PKIG: variants seen among roughly 807,000 people sequenced by gnomAD.
PKIG encodes the protein cAMP-dependent protein kinase inhibitor gamma.
Under a neutral mutation model 6.8 loss-of-function variants are expected in PKIG, and 1 was observed. The ratio of observed to expected loss-of-function variants is 0.15; its 90% CI spans 0.05 to 0.69. PKIG has a LOEUF of 0.69. PKIG is among the 30% of genes least tolerant of loss of function. The pLI is 0.82. For synonymous variants in PKIG, 39 were observed against 43.0 expected (o/e 0.91, Z 0.36); for missense variants, 77 against 104.0 (o/e 0.74, Z 1.13).
intron 2 of PKIG, among the ~76,000 whole-genome samples, chr20:44,607,909 C>A (rs2065181311): frequency 6.6e-6 from 1 of 152,108 alleles, no homozygotes; most frequent in African/African-American, 2.4e-5. Context: ...TGGTCTCGAT[C>A]TCTTGACCTC....
chr20:44,606,710 G>A (rs971783747), intron 2 of PKIG, among the ~76,000 whole-genome samples: 4 of 152,214 alleles, frequency 2.6e-5, no homozygotes, highest in Non-Finnish European at 5.9e-5. Context: ...TTGGGAGGCT[G>A]AGGCAGGAAA....
chr20:44,580,847 C>T (rs558207085), upstream of PKIG, among the ~76,000 whole-genome samples: 3 of 152,290 alleles, frequency 2.0e-5, no homozygotes, highest in East Asian at 3.9e-4. Context: ...TATAGAGAGC[C>T]GCTTTCCCAG....
At chr20:44,600,513 G>T (rs1488141442) in intron 2 of PKIG, among the ~76,000 whole-genome samples, 1 of 152,072 alleles carries the variant, frequency 6.6e-6, no homozygotes, top group Non-Finnish European at 1.5e-5. Flanking sequence ...ATGTGGAGGA[G>T]AGAGGTCAGC....
At chr20:44,571,500 A>G (rs772866622) in intron 1 of PKIG, among the ~76,000 whole-genome samples, 3 of 152,174 alleles carry the variant, frequency 2.0e-5, no homozygotes, top group Admixed American at 1.3e-4. Context: ...CCATTATACT[A>G]TAAACCGTTG....
chr20:44,566,612 G>A (rs192543232), intron 1 of PKIG, among the ~76,000 whole-genome samples: 3 of 152,134 alleles, frequency 2.0e-5, no homozygotes. Context: ...TTGGGAGGCC[G>A]AGGCAGGCAG....
At chr20:44,559,326 A>C (rs1039078425) in intron 1 of PKIG, among the ~76,000 whole-genome samples, 3 of 152,238 alleles carry the variant, frequency 2.0e-5, no homozygotes, top group Admixed American at 6.5e-5. Context: ...TATACAAACT[A>C]TTCTACTGCT....
At chr20:44,575,844 G>C (rs1363262943) in intron 1 of PKIG, among the ~76,000 whole-genome samples, 1 of 152,190 alleles carries the variant, frequency 6.6e-6, no homozygotes, top group Non-Finnish European at 1.5e-5. Context: ...AGGACCTTCA[G>C]TGGATCCCTT....
intron 1 of PKIG, among the ~76,000 whole-genome samples, chr20:44,558,089 A>G (rs766627815): frequency 2.0e-5 from 3 of 151,576 alleles, no homozygotes; most frequent in Admixed American, 1.3e-4. Context: ...ATGAATATGT[A>G]CTCTATGCCA....
chr20:44,563,644 C>T (rs1022692125), intron 1 of PKIG, among the ~76,000 whole-genome samples: 2 of 152,126 alleles, frequency 1.3e-5, no homozygotes, highest in African/African-American at 4.8e-5. Context: ...ATCCTCCTAC[C>T]GCAGCCTCCT....
intron 1 of PKIG, among the ~76,000 whole-genome samples, chr20:44,571,825 G>A (rs1754131392): frequency 6.6e-6 from 1 of 152,172 alleles, no homozygotes; most frequent in Admixed American, 6.5e-5. Flanking sequence ...TGCAATGGGG[G>A]CAATGGGCAT....
intron 2 of PKIG, among the ~76,000 whole-genome samples, chr20:44,610,040 G>C (rs2065200066): frequency 2.6e-5 from 4 of 152,178 alleles, no homozygotes; most frequent in Admixed American, 2.6e-4. Context: ...CAGAGCGCAG[G>C]AGTGAACCTC....
chr20:44,598,912 TAC>T (rs890897654), intron 2 of PKIG: 1 of 152,196 alleles, frequency 6.6e-6, no homozygotes, highest in Non-Finnish European at 1.5e-5. Context: ...AAAAAATTCA[TAC>T]CCCAAAATAA....
At chr20:44,534,854 G>A (rs1278534705) in intron 1 of PKIG, among the ~76,000 whole-genome samples, 1 of 152,092 alleles carries the variant, frequency 6.6e-6, no homozygotes, top group Non-Finnish European at 1.5e-5. Context: ...TATGGATAAA[G>A]AAACTGAGGT....
Position 44,618,360 on chromosome 20 carries a change from C to T in PKIG, c.227C>T (p.Ser76Phe). The change falls in exon 4 of 4, where the codon TCT (serine) becomes TTT (phenylalanine). Residue 76 changes from serine to phenylalanine, a missense_variant. By Grantham distance (155) the Ser-to-Phe change is radical. Transcript: ENST00000372886. ...CAGAGCAGCGATGGGACCACCTCGT[C>T]TTGAATCTGACCTTGTCCAAGAAGG... Reference protein sequence around the residue: ...QPQSSDGTTSS With the variant: ...QPQSSDGTTSF The T allele has an allele frequency of 6.2e-7, 1 of 1,608,102 alleles. No individual in the cohort carries two copies.
chr20:44,577,303 G>C (rs772465650), intron 1 of PKIG, among the ~76,000 whole-genome samples: 1 of 151,798 alleles, frequency 6.6e-6, no homozygotes, highest in African/African-American at 2.4e-5. Flanking sequence ...TAATTTTTTT[G>C]TGTTTTTTTT....
At chr20:44,557,022 T>C (rs1388892711) in intron 1 of PKIG, among the ~76,000 whole-genome samples, 1 of 151,982 alleles carries the variant, frequency 6.6e-6, no homozygotes, top group African/African-American at 2.4e-5. Flanking sequence ...TATGAGTACT[T>C]AATTAAAATT....
chr20:44,618,887 CATT>C lies in PKIG; in HGVS notation c.*524_*526del, dbSNP rs2065297463. On this transcript the variant is annotated 3_prime_UTR_variant, in exon 4 of 4. Coordinates refer to ENST00000372886, the MANE Select transcript of PKIG (RefSeq NM_001281445.2). ...TTTTAAGCCATTTTAGCTAAACTGTCATTGTGCATCTCTGAGGTTCCCTCATGG... is the reference window on the plus strand; with the variant it reads ...TTTTAAGCCATTTTAGCTAAACTGTCGTGCATCTCTGAGGTTCCCTCATGG... 1 of 158,352 alleles carries C rather than the reference CATT, an allele frequency of 6.3e-6. No homozygotes were observed. The highest frequency in any genetic ancestry group is 1.4e-5 in the Non-Finnish European group (1 of 71,202). The allele number at this position is 158,352 out of a possible 1,614,324, so 9.8% of individuals were successfully genotyped here.
At chr20:44,617,181 G>A (rs1023533267) in intron 3 of PKIG, among the ~76,000 whole-genome samples, 5 of 152,166 alleles carry the variant, frequency 3.3e-5, no homozygotes, top group African/African-American at 1.2e-4. Flanking sequence ...TTGCTATAGG[G>A]TGGTGATTCT....
At chr20:44,608,248 T>C (rs966384138) in intron 2 of PKIG, among the ~76,000 whole-genome samples, 2 of 152,220 alleles carry the variant, frequency 1.3e-5, no homozygotes, top group East Asian at 1.9e-4. Flanking sequence ...AAAGGAAATA[T>C]AACAGATTTT....
Sources: gnomAD v4.1 joint callset for allele counts (sites outside exome capture counted in the v4.1 genomes callset) on GRCh38, gnomAD v4.1.1 for gene constraint, MANE v1.5 for transcripts, NCBI Gene and HGNC (gene_info 2026-07-23, HGNC 2026-07-21) for gene names.